The following SVOPL variants were observed in gnomAD, a reference collection of about 807,000 sequenced individuals.
The protein encoded by SVOPL is SVOP like, also known as putative transporter SVOPL.
A neutral mutation model predicts 61.0 loss-of-function variants in SVOPL; 60 were observed. The ratio of observed to expected loss-of-function variants is 0.98; its 90% confidence interval spans 0.80 to 1.22. The LOEUF (loss-of-function observed/expected upper bound fraction) is 1.22, where lower values mean the gene tolerates loss of function less well. Ranked by LOEUF, SVOPL falls within the 50% of genes most tolerant of loss-of-function variation. The pLI is 0.00. For synonymous variants in SVOPL, 279 were observed against 250.0 expected, an observed-to-expected ratio of 1.12 and a Z score of -1.09; for missense variants, 662 against 643.9, an observed-to-expected ratio of 1.03 and a Z score of -0.30.
chr7:138,659,890 G>T lies in SVOPL; in HGVS notation c.444C>A (p.Gly148=). ...IWFVFLRTMV[G]CGVSGHSQGL... Reference sequence around the variant, plus strand: ...CTTGCGAGTGGCCGGACACACCACAGCCCACCATCGTCCGCAGGAAGACAA... The same window carrying T: ...CTTGCGAGTGGCCGGACACACCACATCCCACCATCGTCCGCAGGAAGACAA... The change falls in exon 6 of 16, where the codon GGC becomes GGA. Residue 148 remains glycine, a synonymous_variant. Transcript: ENST00000674285. The T allele has an allele frequency of 6.4e-7, 1 of 1,551,514 alleles. No homozygotes were observed. Among genetic ancestry groups the T allele is most frequent in the Non-Finnish European group, 8.7e-7 (1 of 1,146,980 alleles).
chr7:138,646,272 T>TA (rs1324720493), intron 8 of SVOPL: 1 of 165,060 alleles, frequency 6.1e-6, no homozygotes, highest in Non-Finnish European at 1.3e-5. Context: ...CGTAGCATCA[T>TA]AGACTCCTCC....
chr7:138,655,066 T>C (rs1180811804), intron 7 of SVOPL, among the ~76,000 whole-genome samples: 1 of 151,888 alleles, frequency 6.6e-6, no homozygotes, highest in African/African-American at 2.4e-5. Flanking sequence ...GATGCGCACC[T>C]GTAATCCCAG....
chr7:138,610,695 T>C (rs1448662907), intron 14 of SVOPL, among the ~76,000 whole-genome samples: 1 of 152,228 alleles, frequency 6.6e-6, no homozygotes, highest in Admixed American at 6.5e-5. Context: ...GACCTTGCCC[T>C]GACACTTAAA....
intron 12 of SVOPL, among the ~76,000 whole-genome samples, chr7:138,626,685 AT>A (rs1563100008): frequency 6.6e-6 from 1 of 151,526 alleles, no homozygotes. Flanking sequence ...GAGTCACCAA[AT>A]TTTTTTTCAA....
intron 13 of SVOPL, among the ~76,000 whole-genome samples, chr7:138,621,716 C>A (rs763615308): frequency 6.6e-6 from 1 of 152,348 alleles, no homozygotes; most frequent in Middle Eastern, 3.4e-3. Flanking sequence ...AGCCACCATA[C>A]CTGGCCCCTG....
chr7:138,634,871 G>A (rs1800391527), intron 9 of SVOPL, among the ~76,000 whole-genome samples: 1 of 152,104 alleles, frequency 6.6e-6, no homozygotes, highest in South Asian at 2.1e-4. Context: ...AGCTTAGGCA[G>A]GAGGATTGCT....
intron 7 of SVOPL, among the ~76,000 whole-genome samples, chr7:138,651,960 C>T (rs2883145): frequency 0.19 from 29,380 of 152,036 alleles, 3,186 homozygotes; most frequent in African/African-American, 0.27. Flanking sequence ...AATGCAGTGG[C>T]GCAATCACGG....
chr7:138,643,372 C>G lies in SVOPL; in HGVS notation c.789+1345G>C, dbSNP rs1800929039. ...CCAGGGAGTCGGAAGTTGCAGTGAG[C>G]CAAGATCACGCCACTGCACTCCAGC... On this transcript the variant is annotated intron_variant, in intron 9 of 15. Coordinates refer to ENST00000674285, the MANE Select transcript of SVOPL (RefSeq NM_001139456.2). Among the ~76,000 whole-genome samples the G allele has an allele frequency of 2.1e-5, 3 of 143,632 alleles. No individual in the cohort carries two copies. The South Asian group carries it at 6.5e-4, about 31-fold the overall frequency. The allele number at this position is 143,632 out of a possible 152,430, so 94.2% of individuals were successfully genotyped here. A position where few individuals can be genotyped will look rare whatever the true frequency, so the allele number is the denominator to read the frequency against.
At chr7:138,641,814 T>TTATATATATATATATATATATA (rs10666134) in intron 9 of SVOPL, among the ~76,000 whole-genome samples, 60 of 120,970 alleles carry the variant, frequency 5.0e-4, no homozygotes, top group East Asian at 1.6e-3. Context: ...TATATATATG[T>TTATATATATATATATATATATA]TATATATATA....
chr7:138,681,412 A>G lies in SVOPL; in HGVS notation c.-34-2333T>C, dbSNP rs564771799. ...ACAAACAAACCCAGGCATCTTAGGT[A>G]AATGGCTGATTCTGGCTCAGGGACA... is the stretch of plus-strand genomic sequence containing the variant. On this transcript the variant is annotated intron_variant, in intron 1 of 15. Transcript: ENST00000674285. Among the ~76,000 whole-genome samples, 5 of 151,870 alleles carry G rather than the reference A, an allele frequency of 3.3e-5. No individual in the cohort carries two copies. In the South Asian group the frequency reaches 1.0e-3, roughly 32 times the overall value.
At chr7:138,621,889 T>G (rs868538160) in intron 13 of SVOPL, among the ~76,000 whole-genome samples, 15 of 146,970 alleles carry the variant, frequency 1.0e-4, no homozygotes, top group South Asian at 2.3e-4. Context: ...TATCTATCTA[T>G]CTATCTATCT....
chr7:138,598,588 A>G (rs1798377386), intron 14 of SVOPL, among the ~76,000 whole-genome samples: 1 of 152,218 alleles, frequency 6.6e-6, no homozygotes, highest in Non-Finnish European at 1.5e-5. Context: ...GATCCTCAAG[A>G]GATTTAAAAG....
chr7:138,654,989 G>A (rs534417233), intron 7 of SVOPL, among the ~76,000 whole-genome samples: 14 of 151,262 alleles, frequency 9.3e-5, no homozygotes, highest in Admixed American at 3.3e-4. Flanking sequence ...TTAGGAGTTC[G>A]AGACCAGCCT....
rs1265302709 is a variant in SVOPL, at chr7:138,621,071, G to T, written c.1328C>A (p.Ala443Glu). ...CTGGGATATAAATGGTGCCACCATTGCACCAATGCGACACAGGGAGCCGCT... is the reference window on the plus strand; with the variant it reads ...CTGGGATATAAATGGTGCCACCATTTCACCAATGCGACACAGGGAGCCGCT... ...GTSGSLCRIGAMVAPFISQVL... is the reference protein window; with the variant it reads ...GTSGSLCRIGEMVAPFISQVL... The change falls in exon 14 of 16, where the codon GCA becomes GAA. Residue 443 changes from alanine to glutamate, a missense_variant. Physicochemically the swap from Ala to Glu is moderately radical, Grantham distance 107. Transcript: ENST00000674285. 2 of 1,613,648 alleles carry T rather than the reference G, an allele frequency of 1.2e-6. No individual in the cohort carries two copies. The highest frequency in any genetic ancestry group is 4.5e-5 in the East Asian group (2 of 44,838).
chr7:138,634,342 T>TG (rs1458073055), intron 9 of SVOPL, among the ~76,000 whole-genome samples: 1 of 151,866 alleles, frequency 6.6e-6, no homozygotes, highest in Non-Finnish European at 1.5e-5. Flanking sequence ...CTCATCTCTA[T>TG]GAAAAAATAA....
chr7:138,618,203 G>A (rs1462105133), intron 14 of SVOPL, among the ~76,000 whole-genome samples: 5 of 152,128 alleles, frequency 3.3e-5, no homozygotes, highest in African/African-American at 7.2e-5. Context: ...TTGGAATAGC[G>A]TTTCACCTTG....
chr7:138,668,868 G>C (rs999046409), intron 4 of SVOPL, among the ~76,000 whole-genome samples: 2 of 152,166 alleles, frequency 1.3e-5, no homozygotes, highest in South Asian at 2.1e-4. Context: ...TACAGAATTT[G>C]ACCTCAAGGC....
intron 5 of SVOPL, chr7:138,660,521 G>T: frequency 2.0e-6 from 2 of 985,818 alleles, no homozygotes; most frequent in Non-Finnish European, 2.4e-6. Context: ...TTAATGGCTG[G>T]CTATAAATGT....
intron 14 of SVOPL, among the ~76,000 whole-genome samples, chr7:138,617,663 C>A (rs556535052): frequency 2.4e-4 from 36 of 152,194 alleles, no homozygotes; most frequent in African/African-American, 8.4e-4. Context: ...AGTGAGACCT[C>A]ATCTCTACTA....
Sources: gnomAD v4.1 joint callset for allele counts (sites outside exome capture counted in the v4.1 genomes callset) on GRCh38, gnomAD v4.1.1 for gene constraint, MANE v1.5 for transcripts, NCBI Gene and HGNC (gene_info 2026-07-23, HGNC 2026-07-21) for gene names.